PCDHGA2: variants seen among roughly 807,000 people sequenced by gnomAD.
The protein encoded by PCDHGA2 is protocadherin gamma-A2.
Under a neutral mutation model 59.2 loss-of-function variants are expected in PCDHGA2, and 40 were observed. The ratio of observed to expected loss-of-function variants is 0.68; its 90% CI spans 0.52 to 0.88. The LOEUF (loss-of-function observed/expected upper bound fraction) is 0.88, where lower values mean the gene tolerates loss of function less well. Ranked by LOEUF, PCDHGA2 falls within the 40% of genes least tolerant of loss-of-function variation. The pLI is 0.00. For missense variants in PCDHGA2, 1,226 were observed against 1,204.0 expected (o/e 1.02, Z -0.27); for synonymous variants, 560 against 526.0 (o/e 1.06, Z -0.89).
chr5:141,455,725 C>T (rs1001661569), intron 1 of PCDHGA2, among the ~76,000 whole-genome samples: 4 of 152,136 alleles, frequency 2.6e-5, no homozygotes, highest in South Asian at 2.1e-4. Context: ...TAATGGCCTG[C>T]ATTTGCATAT....
At chr5:141,421,088 C>A in intron 1 of PCDHGA2, 2 of 659,434 alleles carry the variant, frequency 3.0e-6, no homozygotes, top group South Asian at 4.0e-5. Flanking sequence ...CTCACAGATC[C>A]TGACACTGGA....
Position 141,339,332 on chromosome 5 carries a change from G to C in PCDHGA2, c.361G>C (p.Val121Leu), listed in dbSNP as rs376174322. ...TAAATTGACTATTTATTCAGTAGAG[G>C]TGGAAATAACAGATATTAACGATAA... The part of the protein sequence containing the change: ...EDKLTIYSVE[V>L]EITDINDNAP... The change falls in exon 1 of 4, where the codon GTG becomes CTG. Residue 121 changes from valine (V) to leucine (L), a missense_variant. Coordinates refer to ENST00000394576, the MANE Select transcript of PCDHGA2 (RefSeq NM_018915.4). 1.2e-6 allele frequency: 2 copies of C among 1,614,262 alleles called. No individual in the cohort carries two copies. The highest frequency in any genetic ancestry group is 2.2e-5 in the East Asian group (1 of 44,884).
chr5:141,431,206 G>A lies in PCDHGA2; in HGVS notation c.2425-63601G>A, dbSNP rs17097300. On this transcript the variant is annotated intron_variant, in intron 1 of 3. Coordinates refer to ENST00000394576, the MANE Select transcript of PCDHGA2 (RefSeq NM_018915.4). The surrounding 1 kb of genome is among the most constrained non-coding windows in gnomAD (Gnocchi z 4.8). ...AAATTAGTGAAAATGCAGCCACTGA[G>A]ATGCGGTTCCCTCTACCCCACGCCT... The A allele has an allele frequency of 0.041, 66,767 of 1,614,172 alleles. 3,763 individuals carry two copies. Among genetic ancestry groups the A allele is most frequent in the Admixed American group, 0.27 (16,026 of 60,028 alleles).
At chr5:141,501,305 A>G (rs2099807563) in intron 2 of PCDHGA2, among the ~76,000 whole-genome samples, 1 of 151,322 alleles carries the variant, frequency 6.6e-6, no homozygotes, top group African/African-American at 2.4e-5. Flanking sequence ...ACACACACAC[A>G]CACACACACA....
chr5:141,403,875 A>G (rs1311532081), intron 1 of PCDHGA2: 1 of 1,613,816 alleles, frequency 6.2e-7, no homozygotes, highest in South Asian at 1.1e-5. Context: ...AAAAGTCTAG[A>G]TTATGAAGAA....
chr5:141,504,135 C>T (rs758903340), intron 2 of PCDHGA2, among the ~76,000 whole-genome samples: 1 of 152,188 alleles, frequency 6.6e-6, no homozygotes, highest in Non-Finnish European at 1.5e-5. Context: ...CCCGCCAACA[C>T]TCCCCTGCAA....
intron 3 of PCDHGA2, among the ~76,000 whole-genome samples, chr5:141,508,871 A>T (rs981330486): frequency 5.3e-5 from 8 of 152,062 alleles, no homozygotes; most frequent in East Asian, 3.9e-4. Flanking sequence ...AAGGCTGAAG[A>T]GGCTGACGGC....
intron 1 of PCDHGA2, chr5:141,352,811 A>G: frequency 3.6e-6 from 3 of 841,654 alleles, no homozygotes; most frequent in Non-Finnish European, 5.4e-6. Context: ...CCAAGATGGT[A>G]AAACCCGGTC....
At position 141,450,754 on chromosome 5, in the gene PCDHGA2, C is replaced by T. The variant is rs192088793; in HGVS notation, c.2425-44053C>T. Among the ~76,000 whole-genome samples, 54 of 151,098 alleles carry T rather than the reference C, an allele frequency of 3.6e-4. 1 individual carries two copies. Among genetic ancestry groups the T allele is most frequent in the African/African-American group, 1.1e-3 (47 of 41,192 alleles). ...CGCCCGCCTTGGCCTCCCAAAGTGC[C>T]GGGATTACAGGCATGAGCCACCGTG... On this transcript the variant is annotated intron_variant, in intron 1 of 3. Transcript: ENST00000394576.
intron 1 of PCDHGA2, chr5:141,408,296 C>T (rs2154539952): frequency 1.2e-6 from 2 of 1,613,550 alleles, no homozygotes; most frequent in Non-Finnish European, 1.7e-6. Flanking sequence ...CCTGAGTGAG[C>T]CGATCCGCTA....
At chr5:141,394,379 T>C in intron 1 of PCDHGA2, 1 of 1,614,160 alleles carries the variant, frequency 6.2e-7, no homozygotes, top group Non-Finnish European at 8.5e-7. Context: ...CTTTCGACTA[T>C]GAGCAGATCC....
Position 141,340,572 on chromosome 5 carries a change from C to T in PCDHGA2, c.1601C>T (p.Ala534Val), listed in dbSNP as rs754851906. The T allele has an allele frequency of 1.2e-5, 20 of 1,614,118 alleles. No homozygotes were observed. Among genetic ancestry groups the T allele is most frequent in the Non-Finnish European group, 1.2e-5 (14 of 1,180,050 alleles). The change falls in exon 1 of 4, where the codon GCG becomes GTG. Residue 534 changes from alanine (A) to valine (V), a missense_variant. By Grantham distance (64) the Ala-to-Val change is moderately conservative (BLOSUM62 0). Transcript: ENST00000394576. ...CGAGACTTGCAAGTGTGGGTGATAGCGCGGGACAGCGGGAACCCTCCACTC... is the reference window on the plus strand; with the variant it reads ...CGAGACTTGCAAGTGTGGGTGATAGTGCGGGACAGCGGGAACCCTCCACTC... ...QLRDLQVWVI[A>V]RDSGNPPLSS...
chr5:141,428,368 C>T, intron 1 of PCDHGA2: 1 of 545,002 alleles, frequency 1.8e-6, no homozygotes, highest in Non-Finnish European at 3.4e-6. Context: ...GGTCGCCTTG[C>T]ACCTGCGATG....
At chr5:141,389,328 A>G (rs2091708257) in intron 1 of PCDHGA2, 2 of 1,613,854 alleles carry the variant, frequency 1.2e-6, no homozygotes, top group African/African-American at 2.7e-5. Context: ...CTTGGGGCCC[A>G]ACGGCCAAGT....
Position 141,432,123 on chromosome 5 carries a change from C to T in PCDHGA2, c.2425-62684C>T. 6.2e-7 allele frequency: 1 copy of T among 1,614,172 alleles called. No homozygotes were observed. The highest frequency in any genetic ancestry group is 8.5e-7 in the Non-Finnish European group (1 of 1,180,042). ...GACAACCCGCCGGTCTTCCCTCAGGCCTCCTATTCCGCTTATATCCCAGAG... is the reference window on the plus strand; with the variant it reads ...GACAACCCGCCGGTCTTCCCTCAGGTCTCCTATTCCGCTTATATCCCAGAG... On this transcript the variant is annotated intron_variant, in intron 1 of 3. Coordinates refer to ENST00000394576, the MANE Select transcript of PCDHGA2 (RefSeq NM_018915.4). The surrounding 1 kb of genome is among the most constrained non-coding windows in gnomAD (Gnocchi z 6.0).
chr5:141,403,217 A>G (rs763517467), intron 1 of PCDHGA2: 10 of 1,613,810 alleles, frequency 6.2e-6, no homozygotes, highest in East Asian at 2.2e-5. Context: ...CACCGCGGGT[A>G]GGATAGACCG....
At chr5:141,455,789 G>A (rs966897617) in intron 1 of PCDHGA2, among the ~76,000 whole-genome samples, 56 of 152,058 alleles carry the variant, frequency 3.7e-4, no homozygotes, top group African/African-American at 1.3e-3. Context: ...AACTTTTCCG[G>A]AGATGCTTTA....
chr5:141,409,491 C>A (rs747701093), intron 1 of PCDHGA2: 1 of 1,613,876 alleles, frequency 6.2e-7, no homozygotes, highest in East Asian at 2.2e-5. Context: ...AGGGGCAAGC[C>A]GCCTCTTTCT....
intron 1 of PCDHGA2, among the ~76,000 whole-genome samples, chr5:141,397,239 G>A (rs563338293): frequency 1.8e-4 from 27 of 152,262 alleles, no homozygotes; most frequent in Non-Finnish European, 3.4e-4. Flanking sequence ...GAAGAGCAAC[G>A]TAGTAGGGTA....
Sources: gnomAD v4.1 joint callset for allele counts (sites outside exome capture counted in the v4.1 genomes callset) on GRCh38, gnomAD v4.1.1 for gene constraint, Gnocchi (gnomAD v3.1) non-coding constraint, MANE v1.5 for transcripts, NCBI Gene and HGNC (gene_info 2026-07-23, HGNC 2026-07-21) for gene names.